The following RGS5 variants were observed in gnomAD, a reference collection of about 807,000 sequenced individuals.
RGS5 encodes regulator of G protein signaling 5, also known as regulator of G-protein signalling 5.
A neutral mutation model predicts 18.9 loss-of-function variants in RGS5; 20 were observed. The ratio of observed to expected loss-of-function variants is 1.06; its 90% CI spans 0.74 to 1.54. RGS5 has a LOEUF of 1.54. Ranked by LOEUF, RGS5 falls within the 40% of genes most tolerant of loss-of-function variation. The probability of loss-of-function intolerance (pLI) is 0.00; values close to 1 mark genes in which losing one functional copy is unlikely to be tolerated. For missense variants in RGS5, 201 were observed against 211.8 expected, an observed-to-expected ratio of 0.95 and a Z score of 0.32; for synonymous variants, 57 against 76.2, an observed-to-expected ratio of 0.75 and a Z score of 1.31.
chr1:163,284,265 C>T (rs12130168), intron 2 of RGS5, among the ~76,000 whole-genome samples: 10,210 of 152,146 alleles, frequency 0.067, 358 homozygotes, highest in South Asian at 0.095. Flanking sequence ...ATTTGTTAGC[C>T]CATCTCTTGT....
At chr1:163,147,930 T>C (rs1230226751) in intron 4 of RGS5, among the ~76,000 whole-genome samples, 5 of 138,960 alleles carry the variant, frequency 3.6e-5, no homozygotes, top group Non-Finnish European at 6.2e-5. Flanking sequence ...TTTTTTTTTT[T>C]TTTTTTTTTT....
chr1:163,159,932 T>G (rs1026248548), intron 3 of RGS5, among the ~76,000 whole-genome samples: 2 of 152,192 alleles, frequency 1.3e-5, no homozygotes, highest in African/African-American at 4.8e-5. Context: ...CACAAGTGCA[T>G]GTATATTTTC....
Position 163,202,805 on chromosome 1 carries a change from A to C in RGS5, c.31T>G (p.Ser11Ala). Residue 11 changes from serine (S) to alanine (A), a missense_variant, in exon 1 of 5, where the codon TCA (serine) becomes GCA (alanine). Coordinates refer to ENST00000313961, the MANE Select transcript of RGS5 (RefSeq NM_003617.4). ...CTTGGTTCTCACCTTTCCAGGCATG[A>C]GTGGGGCAAAGCTGCAAGTCCTTTG... MCKGLAALPH[S>A]CLERAKEIKI... 6.2e-7 allele frequency: 1 copy of C among 1,613,542 alleles called. No individual in the cohort carries two copies. Among genetic ancestry groups the C allele is most frequent in the Non-Finnish European group, 8.5e-7 (1 of 1,179,640 alleles).
exon 1 of RGS5, chr1:163,217,628 G>A (rs945399236): frequency 1.3e-6 from 2 of 1,536,090 alleles, no homozygotes; most frequent in Non-Finnish European, 1.8e-6. Context: ...TGTTTTGTCA[G>A]ACACTTCTTT....
chr1:163,151,459 G>A (rs1019679661), intron 4 of RGS5, among the ~76,000 whole-genome samples: 1 of 152,132 alleles, frequency 6.6e-6, no homozygotes, highest in Non-Finnish European at 1.5e-5. Context: ...CTGAGATACT[G>A]GTTGATATAG....
chr1:163,283,987 C>T lies in RGS5; in HGVS notation c.-281+22246G>A, dbSNP rs188167958. On this transcript the variant is annotated intron_variant, in intron 2 of 5. Transcript: ENST00000618415. ...AGCTAAGCCATATCCAGACTCCTGA[C>T]CAACACAAACTATGAGATCATAAAC... is the stretch of plus-strand genomic sequence containing the variant. Among the ~76,000 whole-genome samples, 7 of 152,240 alleles carry T rather than the reference C, an allele frequency of 4.6e-5. No homozygotes were observed. The East Asian group carries it at 1.2e-3, about 25-fold the overall frequency.
chr1:163,259,280 T>C (rs112956411), intron 2 of RGS5, among the ~76,000 whole-genome samples: 13,427 of 151,942 alleles, frequency 0.088, 656 homozygotes, highest in Middle Eastern at 0.13. Context: ...GCCTCCCAAG[T>C]AGCTGGGACT....
chr1:163,188,752 G>A (rs1659204031), intron 1 of RGS5, among the ~76,000 whole-genome samples: 1 of 152,084 alleles, frequency 6.6e-6, no homozygotes, highest in African/African-American at 2.4e-5. Context: ...GAGGTCAAGA[G>A]ATCAAGACCA....
Position 163,298,996 on chromosome 1 carries a change from G to A in RGS5, c.-281+7237C>T, listed in dbSNP as rs573891009. On this transcript the variant is annotated intron_variant, in intron 2 of 5. Coordinates refer to the RGS5 transcript ENST00000618415. ...CTGTGATAGAAGCACATACATGAGA[G>A]GATGGCCATTTGTGTTTCTCACAGC... Among the ~76,000 whole-genome samples the A allele has an allele frequency of 3.3e-5, 5 of 150,464 alleles. No individual in the cohort carries two copies. The South Asian group carries it at 6.4e-4, about 19-fold the overall frequency.
intron 1 of RGS5, among the ~76,000 whole-genome samples, chr1:163,173,779 AAAC>A (rs1186692814): frequency 7.9e-5 from 12 of 152,160 alleles, no homozygotes; most frequent in African/African-American, 2.9e-4. Context: ...TGGAGTATAA[AAAC>A]AAAAGAACGT....
chr1:163,231,808 T>G (rs1031986862), intron 2 of RGS5, among the ~76,000 whole-genome samples: 1 of 150,686 alleles, frequency 6.6e-6, no homozygotes, highest in Non-Finnish European at 1.5e-5. Flanking sequence ...AGGGTTAAAA[T>G]TGTTACTTCA....
chr1:163,184,145 G>C (rs11586945), intron 1 of RGS5, among the ~76,000 whole-genome samples: 18,331 of 152,168 alleles, frequency 0.12, 1,500 homozygotes, highest in South Asian at 0.19. Flanking sequence ...GAGCAACAAA[G>C]TCTAGGAACC....
Position 163,259,368 on chromosome 1 carries a change from G to A in RGS5, c.-281+46865C>T, listed in dbSNP as rs551630523. ...TTCAGTAGAGACGGGGTTTCACCGT[G>A]TTAGCCGGGATGGTCTCGATCTCCT... On this transcript the variant is annotated intron_variant, in intron 2 of 5. Transcript: ENST00000618415. 4.7e-5 allele frequency among the ~76,000 whole-genome samples: 7 copies of A among 148,668 alleles called. No homozygotes were observed. In the South Asian group the frequency reaches 1.5e-3, roughly 32 times the overall value.
chr1:163,294,709 G>A (rs1390797023), intron 2 of RGS5, among the ~76,000 whole-genome samples: 1 of 152,162 alleles, frequency 6.6e-6, no homozygotes, highest in Non-Finnish European at 1.5e-5. Flanking sequence ...GCATGGTCAG[G>A]CTGCAAATTT....
Position 163,183,934 on chromosome 1 carries a change from A to G in RGS5, c.45-15566T>C, listed in dbSNP as rs80310395. On this transcript the variant is annotated intron_variant, in intron 1 of 4. Coordinates refer to ENST00000313961, the MANE Select transcript of RGS5 (RefSeq NM_003617.4). ...CCCTAATAAGTTTTCTAAAAATTTCACATAAGTTTTCGAGGTACATGCAAA... is the reference window on the plus strand; with the variant it reads ...CCCTAATAAGTTTTCTAAAAATTTCGCATAAGTTTTCGAGGTACATGCAAA... Among the ~76,000 whole-genome samples, 430 of 152,298 alleles carry G rather than the reference A, an allele frequency of 2.8e-3. 6 individuals carry two copies. Among genetic ancestry groups the G allele is most frequent in the African/African-American group, 9.6e-3 (397 of 41,564 alleles).
intron 2 of RGS5, among the ~76,000 whole-genome samples, chr1:163,226,734 A>C: frequency 6.6e-6 from 1 of 152,204 alleles, no homozygotes; most frequent in East Asian, 1.9e-4. Flanking sequence ...AATAGGGCTA[A>C]GTTTTATGTG....
intron 1 of RGS5, among the ~76,000 whole-genome samples, chr1:163,196,770 T>C (rs1659578561): frequency 6.6e-6 from 1 of 152,002 alleles, no homozygotes; most frequent in Non-Finnish European, 1.5e-5. Context: ...CCACTCCCCT[T>C]CTCCCATAGC....
intron 2 of RGS5, among the ~76,000 whole-genome samples, chr1:163,298,991 T>A (rs1367124682): frequency 6.6e-6 from 1 of 150,662 alleles, no homozygotes; most frequent in Admixed American, 6.6e-5. Flanking sequence ...AGCACATACA[T>A]GAGAGGATGG....
At chr1:163,314,516 C>CAGA (rs1649960408) in intron 1 of RGS5, among the ~76,000 whole-genome samples, 1 of 151,846 alleles carries the variant, frequency 6.6e-6, no homozygotes, top group South Asian at 2.1e-4. Context: ...AACATGGCAC[C>CAGA]AGAACTGTGA....
Sources: allele counts gnomAD v4.1 joint callset (sites outside exome capture counted in the v4.1 genomes callset), GRCh38; gene constraint gnomAD v4.1.1; transcripts MANE v1.5; gene names NCBI Gene and HGNC (gene_info 2026-07-23, HGNC 2026-07-21).